The following TBCD variants were observed in gnomAD, a reference collection of about 807,000 sequenced individuals.
TBCD encodes tubulin folding cofactor D.
In TBCD, 105 loss-of-function variants were observed where a neutral mutation model predicts 169.3. That is an observed-to-expected ratio of 0.62 (90% CI 0.53 to 0.73). TBCD has a LOEUF of 0.73. Ranked by LOEUF, TBCD falls within the 30% of genes least tolerant of loss-of-function variation. The pLI is 0.00. For missense variants in TBCD, 1,444 were observed against 1,600.1 expected (o/e 0.90, Z 1.66); for synonymous variants, 700 against 643.9 (o/e 1.09, Z -1.32).
intron 7 of TBCD, among the ~76,000 whole-genome samples, chr17:82,791,177 C>T (rs1359617400): frequency 2.7e-5 from 4 of 150,480 alleles, no homozygotes; most frequent in East Asian, 1.9e-4. Context: ...CTGCAAGCTC[C>T]GCCTCCCGGG....
chr17:82,848,681 T>G (rs74613944), intron 13 of TBCD, among the ~76,000 whole-genome samples: 1,728 of 152,310 alleles, frequency 0.011, 39 homozygotes, highest in African/African-American at 0.039. Context: ...TTCTTTTTTT[T>G]CATGCTACAA....
In TBCD at chr17:82,933,273, C is replaced by CTT. The variant is rs10639851; in HGVS notation, c.3191+556_3191+557dup. 2.6e-3 allele frequency among the ~76,000 whole-genome samples: 293 copies of CTT among 114,618 alleles called. 13 individuals are homozygous for CTT. The highest frequency in any genetic ancestry group is 8.8e-3 in the South Asian group (30 of 3,410). The allele number at this position is 114,618 out of a possible 152,430, so 75.2% of individuals were successfully genotyped here. A position where few individuals can be genotyped will look rare whatever the true frequency, so the allele number is the denominator to read the frequency against. ...TTGAATTTCACCGTGTTGGGCCAGT[C>CTT]TTTTTTTTTTTTTTTTTTTGAGACA... On this transcript the variant is annotated intron_variant, in intron 34 of 38. Coordinates refer to ENST00000355528, the MANE Select transcript of TBCD (RefSeq NM_005993.5).
intron 18 of TBCD, among the ~76,000 whole-genome samples, chr17:82,901,036 G>A (rs1435087958): frequency 6.6e-6 from 1 of 152,240 alleles, no homozygotes; most frequent in African/African-American, 2.4e-5. Flanking sequence ...CTTGGAGGCG[G>A]ACTCTGCGTT....
intron 27 of TBCD, among the ~76,000 whole-genome samples, chr17:82,925,845 A>AG (rs1049803334): frequency 1.3e-5 from 2 of 152,144 alleles, no homozygotes; most frequent in African/African-American, 2.4e-5. Flanking sequence ...GTAGGACAAA[A>AG]GGGGGGGACC....
intron 13 of TBCD, among the ~76,000 whole-genome samples, chr17:82,863,819 G>GAT (rs1189086646): frequency 6.6e-6 from 1 of 152,216 alleles, no homozygotes; most frequent in Non-Finnish European, 1.5e-5. Context: ...GGTGCTGCCT[G>GAT]ATAGCAGAGG....
intron 17 of TBCD, 42 bp from the exon 18 acceptor site, chr17:82,900,609 G>T (rs190718560): frequency 1.9e-6 from 3 of 1,544,194 alleles, no homozygotes; most frequent in African/African-American, 2.7e-5. Flanking sequence ...GTGAGTTCTC[G>T]TTCTTCCGCG....
Position 82,943,966 on chromosome 17 carries a change from ACT to A in TBCD, c.*1506_*1507del, listed in dbSNP as rs1024984638. The A allele has an allele frequency of 6.6e-6, 1 of 151,946 alleles. No individual in the cohort carries two copies. Among genetic ancestry groups the A allele is most frequent in the African/African-American group, 2.4e-5 (1 of 41,336 alleles). 9.4% of individuals were successfully genotyped at this position (151,946 alleles called of 1,614,324 possible). ...GGCTCCTGTGGTCGGCACACACGAG[ACT>A]CTGGTTGCGCCTGCTGGGTGTGGAA... On this transcript the variant is annotated 3_prime_UTR_variant, in exon 39 of 39. Coordinates refer to ENST00000355528, the MANE Select transcript of TBCD (RefSeq NM_005993.5).
intron 5 of TBCD, among the ~76,000 whole-genome samples, chr17:82,769,759 C>T (rs2048208706): frequency 6.6e-6 from 1 of 151,808 alleles, no homozygotes; most frequent in African/African-American, 2.4e-5. Context: ...TACCTGTAAT[C>T]CCAGCTACTC....
intron 36 of TBCD, 22 bp downstream of exon 36, chr17:82,938,158 C>T (rs368986727): frequency 1.1e-5 from 18 of 1,605,952 alleles, no homozygotes; most frequent in African/African-American, 5.3e-5. Flanking sequence ...CCCCTGCTCA[C>T]GTGTGTTTGC....
chr17:82,938,080 G>C lies in TBCD; in HGVS notation c.3313G>C (p.Val1105Leu), dbSNP rs764003906. Residue 1105 changes from valine to leucine, a missense_variant, in exon 36 of 39, where the codon GTG becomes CTG. By Grantham distance (32) the Val-to-Leu change is conservative. Coordinates refer to ENST00000355528, the MANE Select transcript of TBCD (RefSeq NM_005993.5). ...FCEMVQFPGD[V>L]RRQALLQLCL... ...CGAGATGGTGCAGTTCCCCGGCGAC[G>C]TGAGGAGGCAGGCCCTCCTGCAGCT... 2 of 1,613,080 alleles carry C rather than the reference G, an allele frequency of 1.2e-6. No individual in the cohort carries two copies. Among genetic ancestry groups the C allele is most frequent in the South Asian group, 1.1e-5 (1 of 91,072 alleles).
In TBCD at chr17:82,920,305, A is replaced by G. The variant is rs2061338856; in HGVS notation, c.2039-251A>G. ...CTCTGAAGTGCACGTGGGCTCACAC[A>G]TGGGCCTTCTGCCACGTGGCTGGGT... On this transcript the variant is annotated intron_variant, in intron 23 of 38. Coordinates refer to ENST00000355528, the MANE Select transcript of TBCD (RefSeq NM_005993.5). The surrounding 1 kb of genome is among the most constrained non-coding windows in gnomAD (Gnocchi z 4.1). 6.6e-6 allele frequency among the ~76,000 whole-genome samples: 1 copy of G among 152,192 alleles called. No homozygotes were observed. Among genetic ancestry groups the G allele is most frequent in the African/African-American group, 2.4e-5 (1 of 41,438 alleles).
At chr17:82,768,649 A>C in intron 5 of TBCD, 83 bp downstream of exon 5, 4 of 1,486,024 alleles carry the variant, frequency 2.7e-6, no homozygotes, top group Non-Finnish European at 2.7e-6. Context: ...TTTACTCGGT[A>C]AGCTTCTGAT....
chr17:82,920,906 G>C lies in TBCD; in HGVS notation c.2101+288G>C, dbSNP rs1181360994. The C allele has an allele frequency of 1.2e-5, 5 of 421,868 alleles. No individual in the cohort carries two copies. The highest frequency in any genetic ancestry group is 2.1e-5 in the Non-Finnish European group (5 of 234,588). The allele number at this position is 421,868 out of a possible 1,614,324, so 26.1% of individuals were successfully genotyped here. On this transcript the variant is annotated intron_variant, in intron 24 of 38. Transcript: ENST00000355528. This position sits in a 1 kb window ranked among gnomAD's most constrained non-coding sequence, Gnocchi z 4.1. ...CACTCTGGGTCAGTTCTTCTCCCAG[G>C]CAGACAGTCGGGAGCTGCAGCCACC...
intron 14 of TBCD, among the ~76,000 whole-genome samples, chr17:82,875,421 G>T: frequency 6.6e-6 from 1 of 152,234 alleles, no homozygotes; most frequent in East Asian, 1.9e-4. Context: ...AGAAGGAAAA[G>T]AAAGCCGAGC....
intron 8 of TBCD, among the ~76,000 whole-genome samples, chr17:82,799,589 C>A (rs543829996): frequency 6.6e-6 from 1 of 152,166 alleles, no homozygotes; most frequent in Middle Eastern, 3.4e-3. Context: ...CAGGAGTGTG[C>A]GAGTTTTCGT....
intron 13 of TBCD, among the ~76,000 whole-genome samples, chr17:82,855,235 C>CTTTTTTTTTT (rs58346723): frequency 1.9e-4 from 10 of 54,030 alleles, no homozygotes; most frequent in Admixed American, 6.8e-4. Flanking sequence ...AAGGTGTTTG[C>CTTTTTTTTTT]TTTTTTTTTT....
intron 14 of TBCD, among the ~76,000 whole-genome samples, chr17:82,873,933 T>G (rs2057783370): frequency 6.6e-6 from 1 of 152,236 alleles, no homozygotes; most frequent in African/African-American, 2.4e-5. Context: ...GGGGACCCTC[T>G]TGCTCCAGGG....
chr17:82,942,707 T>A lies in TBCD; in HGVS notation c.*244T>A. The stretch of plus-strand genomic sequence containing the variant: ...CCTATAAAATCATGTACCAAGAAGT[T>A]CCTGCCTTTTGTCTCTGAGCCTGAT... On this transcript the variant is annotated 3_prime_UTR_variant, in exon 39 of 39. Coordinates refer to ENST00000355528, the MANE Select transcript of TBCD (RefSeq NM_005993.5). 1 of 598,980 alleles carries A rather than the reference T, an allele frequency of 1.7e-6. No homozygotes were observed. Among genetic ancestry groups the A allele is most frequent in the Non-Finnish European group, 3.0e-6 (1 of 337,178 alleles). 37.1% of individuals were successfully genotyped at this position (598,980 alleles called of 1,614,324 possible).
At chr17:82,938,216 G>A in intron 36 of TBCD, 80 bp downstream of exon 36, 1 of 1,453,134 alleles carries the variant, frequency 6.9e-7, no homozygotes, top group Non-Finnish European at 9.4e-7. Flanking sequence ...CGCTGGCACT[G>A]TTGTGTTGGT....
Sources: allele counts gnomAD v4.1 joint callset (sites outside exome capture counted in the v4.1 genomes callset), GRCh38; gene constraint gnomAD v4.1.1; non-coding constraint Gnocchi (gnomAD v3.1); transcripts MANE v1.5; gene names NCBI Gene and HGNC (gene_info 2026-07-23, HGNC 2026-07-21).